Variants in ENTREP2 observed in about 807,000 individuals in gnomAD.
ENTREP2 encodes the protein endosomal transmembrane epsin interactor 2, also known as protein ENTREP2.
chr15:29,598,249 A>T, the ENTREP2 span, among the ~76,000 whole-genome samples: 1 of 152,178 alleles, frequency 6.6e-6, no homozygotes, highest in Non-Finnish European at 1.5e-5. Flanking sequence ...CCCCTCCAGC[A>T]GTTGGTATTG....
chr15:29,538,461 A>G, the ENTREP2 span, among the ~76,000 whole-genome samples: 1 of 152,094 alleles, frequency 6.6e-6, no homozygotes, highest in Non-Finnish European at 1.5e-5. Flanking sequence ...AGAGGACAAC[A>G]TGAAAAGATA....
the ENTREP2 span, among the ~76,000 whole-genome samples, chr15:29,532,620 A>T: frequency 6.6e-6 from 1 of 152,216 alleles, no homozygotes; most frequent in Non-Finnish European, 1.5e-5. Flanking sequence ...TCTCACTTTG[A>T]TAAATGGGTT....
At chr15:29,457,822 C>A in the ENTREP2 span, among the ~76,000 whole-genome samples, 1 of 152,158 alleles carries the variant, frequency 6.6e-6, no homozygotes, top group Non-Finnish European at 1.5e-5. Flanking sequence ...CCATCAAGGA[C>A]CACACGAACC....
the ENTREP2 span, chr15:29,269,373 T>C: frequency 1.4e-5 from 22 of 1,614,190 alleles, no homozygotes; most frequent in Non-Finnish European, 1.7e-5. Context: ...CGTGCTTCAG[T>C]ATGTCGGCCC....
the ENTREP2 span, among the ~76,000 whole-genome samples, chr15:29,582,838 G>A: frequency 6.6e-6 from 1 of 152,074 alleles, no homozygotes; most frequent in African/African-American, 2.4e-5. Context: ...TTTTAGTAGA[G>A]ATGGGGTTTC....
At chr15:29,588,589 G>GAGGAAGGA in the ENTREP2 span, among the ~76,000 whole-genome samples, 1 of 98,002 alleles carries the variant, frequency 1.0e-5, no homozygotes, top group African/African-American at 5.3e-5. Context: ...GGGAGGGAGG[G>GAGGAAGGA]AGGAAGGAAG....
the ENTREP2 span, among the ~76,000 whole-genome samples, chr15:29,176,658 C>T: frequency 1.3e-5 from 2 of 152,212 alleles, no homozygotes; most frequent in Non-Finnish European, 2.9e-5. Context: ...GCCCATGGCC[C>T]GCAGACCCTG....
the ENTREP2 span, among the ~76,000 whole-genome samples, chr15:29,581,716 T>TC: frequency 6.6e-6 from 1 of 152,128 alleles, no homozygotes; most frequent in Non-Finnish European, 1.5e-5. Flanking sequence ...GTTGGTTTTT[T>TC]TTTTAAAAGA....
At chr15:29,597,796 T>G in the ENTREP2 span, among the ~76,000 whole-genome samples, 1 of 152,198 alleles carries the variant, frequency 6.6e-6, no homozygotes. Context: ...CAGTTTCAAA[T>G]CACCTGAGTG....
chr15:29,655,452 T>A, the ENTREP2 span, among the ~76,000 whole-genome samples: 1 of 152,196 alleles, frequency 6.6e-6, no homozygotes, highest in Non-Finnish European at 1.5e-5. Flanking sequence ...TTTTAGCCTT[T>A]ACTGTGTAAC....
the ENTREP2 span, among the ~76,000 whole-genome samples, chr15:29,502,095 AT>A: frequency 4.3e-3 from 651 of 151,388 alleles, 8 homozygotes; most frequent in African/African-American, 0.015. Flanking sequence ...CTCATCGAGA[AT>A]TTTTTTTTGC....
chr15:29,167,691 A>G, the ENTREP2 span, among the ~76,000 whole-genome samples: 2 of 152,228 alleles, frequency 1.3e-5, no homozygotes, highest in Non-Finnish European at 1.5e-5. Context: ...GGATGTGGTG[A>G]ACAGGGAGCA....
chr15:29,317,101 C>T, the ENTREP2 span, among the ~76,000 whole-genome samples: 5 of 152,114 alleles, frequency 3.3e-5, no homozygotes, highest in African/African-American at 1.2e-4. Context: ...AGAATGAAGC[C>T]TTTTGGTTTT....
the ENTREP2 span, among the ~76,000 whole-genome samples, chr15:29,529,953 A>G: frequency 2.0e-5 from 3 of 152,138 alleles, no homozygotes; most frequent in African/African-American, 7.2e-5. Context: ...AAATGAAGCT[A>G]CATCTTCTTG....
the ENTREP2 span, among the ~76,000 whole-genome samples, chr15:29,473,879 TA>T: frequency 6.6e-6 from 1 of 152,078 alleles, no homozygotes; most frequent in Non-Finnish European, 1.5e-5. Flanking sequence ...ATCTCAAAGC[TA>T]GGAGGCCCCC....
the ENTREP2 span, among the ~76,000 whole-genome samples, chr15:29,361,662 G>C: frequency 6.6e-6 from 1 of 152,140 alleles, no homozygotes; most frequent in Non-Finnish European, 1.5e-5. Context: ...GGCACAACAG[G>C]CTCTGAGCCT....
chr15:29,318,760 T>G, the ENTREP2 span, among the ~76,000 whole-genome samples: 90 of 152,334 alleles, frequency 5.9e-4, 1 homozygote, highest in South Asian at 0.017. Context: ...ACCGTCTTAT[T>G]GCAATAGTCT....
the ENTREP2 span, among the ~76,000 whole-genome samples, chr15:29,290,351 C>T: frequency 5.3e-5 from 8 of 152,322 alleles, no homozygotes; most frequent in East Asian, 1.9e-4. Flanking sequence ...TGCAGAATCA[C>T]GCGGCTCACT....
chr15:29,195,116 T>C, the ENTREP2 span: 32 of 984,910 alleles, frequency 3.2e-5, no homozygotes, highest in Non-Finnish European at 3.7e-5. Context: ...AAATACCTGG[T>C]CCCATGATGG....
Sources: allele counts gnomAD v4.1 joint callset (sites outside exome capture counted in the v4.1 genomes callset), GRCh38; gene constraint gnomAD v4.1.1; transcripts MANE v1.5; gene names NCBI Gene and HGNC (gene_info 2026-07-23, HGNC 2026-07-21).